WNT9B: variants seen among roughly 807,000 people sequenced by gnomAD.
WNT9B encodes Wnt family member 9B, also known as protein Wnt-9b.
A neutral mutation model predicts 30.2 loss-of-function variants in WNT9B; 12 were observed. The observed-to-expected ratio is 0.40, with a 90% CI of 0.26 to 0.64. The LOEUF (loss-of-function observed/expected upper bound fraction) is 0.64. Ranked by LOEUF, WNT9B falls within the 30% of genes least tolerant of loss-of-function variation. The pLI is 0.42. For synonymous variants in WNT9B, 218 were observed against 216.9 expected (o/e 1.01, Z -0.05); for missense variants, 442 against 485.2 (o/e 0.91, Z 0.84).
In WNT9B at chr17:46,876,914, CA is replaced by C. The variant is rs1334553625; in HGVS notation, c.*199del. 46 of 1,359,458 alleles carry C rather than the reference CA, an allele frequency of 3.4e-5. No homozygotes were observed. Among genetic ancestry groups the C allele is most frequent in the South Asian group, 2.6e-4 (12 of 45,468 alleles). The allele number at this position is 1,359,458 out of a possible 1,614,324, so 84.2% of individuals were successfully genotyped here. On this transcript the variant is annotated 3_prime_UTR_variant, in exon 4 of 4. Coordinates refer to ENST00000290015, the MANE Select transcript of WNT9B (RefSeq NM_003396.3). ...TCCCTCGATACTCAACAAAGAGAAG[CA>C]AAGCCTCCTCCCTTAACCCAAGCAT...
intron 1 of WNT9B, among the ~76,000 whole-genome samples, chr17:46,856,012 C>T (rs147367542): frequency 9.2e-4 from 140 of 152,238 alleles, no homozygotes; most frequent in Non-Finnish European, 1.7e-3. Context: ...GTAAGTTATC[C>T]GAGTGGCTTT....
At position 46,878,040 on chromosome 17, in the gene WNT9B, A is replaced by T. The variant is rs1411507938; in HGVS notation, c.*1322A>T. On this transcript the variant is annotated 3_prime_UTR_variant, in exon 4 of 4. Transcript: ENST00000290015. ...GACTGGTACCTCCACACAGGCACAC[A>T]TGGATGCACAGCCCCTGGACCAGGC... is the stretch of plus-strand genomic sequence containing the variant. Among the ~76,000 whole-genome samples the T allele has an allele frequency of 6.6e-6, 1 of 152,220 alleles. No homozygotes were observed. The highest frequency in any genetic ancestry group is 1.5e-5 in the Non-Finnish European group (1 of 68,046).
chr17:46,865,315 G>A (rs989903831), intron 1 of WNT9B, among the ~76,000 whole-genome samples: 1 of 152,232 alleles, frequency 6.6e-6, no homozygotes, highest in East Asian at 1.9e-4. Flanking sequence ...ATCCCCTGCA[G>A]GCAGCCTGGT....
chr17:46,852,824 C>T (rs1343450874), intron 1 of WNT9B, among the ~76,000 whole-genome samples: 2 of 151,938 alleles, frequency 1.3e-5, no homozygotes, highest in East Asian at 1.9e-4. Context: ...GAAGAAGTAG[C>T]CAGGGAGAGG....
At chr17:46,869,105 T>C (rs779299586) in intron 1 of WNT9B, among the ~76,000 whole-genome samples, 2 of 152,164 alleles carry the variant, frequency 1.3e-5, no homozygotes, top group Non-Finnish European at 2.9e-5. Flanking sequence ...CAGGGAGCCT[T>C]CTTTGAGAGC....
At chr17:46,883,045 C>T (rs1261265412), downstream of WNT9B, among the ~76,000 whole-genome samples, 3 of 152,010 alleles carry the variant, frequency 2.0e-5, no homozygotes, top group Non-Finnish European at 2.9e-5. Flanking sequence ...GTGGCATGAT[C>T]TCTGCTCACT....
chr17:46,858,788 T>C (rs1375309996), intron 1 of WNT9B, among the ~76,000 whole-genome samples: 2 of 152,108 alleles, frequency 1.3e-5, no homozygotes, highest in Non-Finnish European at 2.9e-5. Context: ...TGCCTTAGCC[T>C]CCTGAGTAGC....
intron 1 of WNT9B, among the ~76,000 whole-genome samples, chr17:46,839,586 G>C (rs2084675130): frequency 6.6e-6 from 1 of 152,144 alleles, no homozygotes; most frequent in South Asian, 2.1e-4. Flanking sequence ...ACAATGTGCA[G>C]GTTTGTTACA....
Position 46,853,546 on chromosome 17 carries a change from AT to A in WNT9B, c.77+1836del, listed in dbSNP as rs534261849. The stretch of plus-strand genomic sequence containing the variant: ...GCCACCATGCCCAGCTAATTTTTGT[AT>A]TTTTAGTAGAGACAGTGTTTCACCA... On this transcript the variant is annotated intron_variant, in intron 1 of 3. Transcript: ENST00000290015. Among the ~76,000 whole-genome samples, 680 of 151,632 alleles carry A rather than the reference AT, an allele frequency of 4.5e-3. 10 individuals carry two copies. Among genetic ancestry groups the A allele is most frequent in the African/African-American group, 0.016 (650 of 41,348 alleles).
intron 1 of WNT9B, among the ~76,000 whole-genome samples, chr17:46,837,923 G>A (rs570709623): frequency 3.8e-4 from 58 of 152,262 alleles, no homozygotes; most frequent in Non-Finnish European, 1.2e-4. Flanking sequence ...GAGGAGGAGG[G>A]ACCTCTTTCT....
Position 46,872,605 on chromosome 17 carries a change from G to C in WNT9B, c.166G>C (p.Asp56His), listed in dbSNP as rs2085267707. 2 of 1,612,756 alleles carry C rather than the reference G, an allele frequency of 1.2e-6. No homozygotes were observed. Among genetic ancestry groups the C allele is most frequent in the Admixed American group, 1.7e-5 (1 of 59,924 alleles). The change falls in exon 2 of 4, where the codon GAC becomes CAC. Residue 56 changes from aspartate to histidine, a missense_variant. Coordinates refer to ENST00000290015, the MANE Select transcript of WNT9B (RefSeq NM_003396.3). ...AQGGAHLKQC[D>H]LLKLSRRQKQ... ...GGGCGGGGCCCACCTGAAGCAGTGTGACCTGCTGAAGCTGTCCCGGCGGCA... is the reference window on the plus strand; with the variant it reads ...GGGCGGGGCCCACCTGAAGCAGTGTCACCTGCTGAAGCTGTCCCGGCGGCA...
downstream of WNT9B, chr17:46,885,021 T>C (rs1286151038): frequency 2.3e-6 from 1 of 439,582 alleles, no homozygotes; most frequent in South Asian, 1.6e-5. Flanking sequence ...GAAGTCTTGT[T>C]CTTGTTGCGC....
At chr17:46,840,882 A>G (rs556457814) in intron 1 of WNT9B, among the ~76,000 whole-genome samples, 1 of 152,248 alleles carries the variant, frequency 6.6e-6, no homozygotes, top group South Asian at 2.1e-4. Flanking sequence ...AGTTCTTTGT[A>G]GATTCTGGAT....
intron 1 of WNT9B, among the ~76,000 whole-genome samples, chr17:46,841,488 C>A (rs571268532): frequency 6.6e-6 from 1 of 152,360 alleles, no homozygotes; most frequent in Admixed American, 6.5e-5. Context: ...GAAAGAGGCC[C>A]GTCCCTGGTC....
rs1223162462 is a variant in WNT9B at position 46,846,364 on chromosome 17, G to A, written c.95+12924G>A. On this transcript the variant is annotated intron_variant, in intron 1 of 2. Transcript: ENST00000575372. ...TGTTTTTACTGTGGGCTGAAACTCA[G>A]TACCACTATGGGAGGAAGTGTGGGA... Among the ~76,000 whole-genome samples, 4 of 152,356 alleles carry A rather than the reference G, an allele frequency of 2.6e-5. No individual in the cohort carries two copies. The East Asian group carries it at 7.7e-4, about 29-fold the overall frequency.
At chr17:46,833,278 T>C (rs2084579074) in exon 1 of WNT9B, 3 of 472,724 alleles carry the variant, frequency 6.3e-6, no homozygotes, top group African/African-American at 3.9e-5. Context: ...GGGTGATGGC[T>C]CCTTCCACAA....
intron 1 of WNT9B, among the ~76,000 whole-genome samples, chr17:46,852,389 A>AGTGTGTGTGTGT (rs61138160): frequency 2.0e-4 from 21 of 105,376 alleles, no homozygotes; most frequent in Middle Eastern, 4.9e-3. Flanking sequence ...GAGAGGGCCC[A>AGTGTGTGTGTGT]GTGTGTGTGT....
intron 1 of WNT9B, among the ~76,000 whole-genome samples, chr17:46,834,843 C>T (rs1000685173): frequency 3.9e-5 from 6 of 152,196 alleles, no homozygotes; most frequent in Admixed American, 3.9e-4. Flanking sequence ...GTTTCTCTAG[C>T]TTGTTCAGGG....
chr17:46,883,832 T>C (rs1598875373), downstream of WNT9B, among the ~76,000 whole-genome samples: 2 of 152,188 alleles, frequency 1.3e-5, no homozygotes, highest in East Asian at 3.9e-4. Context: ...CCACCCTGCA[T>C]ACCGCAAAGA....
Sources: gnomAD v4.1 joint callset for allele counts (sites outside exome capture counted in the v4.1 genomes callset) on GRCh38, gnomAD v4.1.1 for gene constraint, MANE v1.5 for transcripts, NCBI Gene and HGNC (gene_info 2026-07-23, HGNC 2026-07-21) for gene names.